The following UBA5 variants were observed in gnomAD, a reference collection of about 807,000 sequenced individuals.
The protein encoded by UBA5 is ubiquitin-like modifier-activating enzyme 5.
A neutral mutation model predicts 52.9 loss-of-function variants in UBA5; 28 were observed. The observed-to-expected ratio is 0.53, with a 90% CI of 0.39 to 0.73. The LOEUF (loss-of-function observed/expected upper bound fraction) is 0.73. Ranked by LOEUF, UBA5 falls within the 30% of genes least tolerant of loss-of-function variation. UBA5 has a pLI of 0.00. For missense variants in UBA5, 388 were observed against 492.7 expected, an observed-to-expected ratio of 0.79 and a Z score of 2.01; for synonymous variants, 135 against 162.1, an observed-to-expected ratio of 0.83 and a Z score of 1.27.
chr3:132,668,765 A>C, intron 3 of UBA5, 53 bp from the exon 4 acceptor site: 1 of 1,118,736 alleles, frequency 8.9e-7, no homozygotes, highest in Non-Finnish European at 1.3e-6. Flanking sequence ...ATTTTTTGAT[A>C]TGTTTAGTTT....
chr3:132,670,510 T>TA (rs1255168737), intron 5 of UBA5, among the ~76,000 whole-genome samples: 3 of 152,162 alleles, frequency 2.0e-5, no homozygotes, highest in Admixed American at 6.5e-5. Context: ...AAAACCCCTG[T>TA]AAGTTACAAT....
upstream of UBA5, among the ~76,000 whole-genome samples, chr3:132,656,375 G>A (rs1937801653): frequency 1.3e-5 from 2 of 152,028 alleles, no homozygotes; most frequent in African/African-American, 4.8e-5. Flanking sequence ...TAGGTCATGT[G>A]TATCTTCCCA....
At chr3:132,657,866 CTTT>C (rs56190801), upstream of UBA5, among the ~76,000 whole-genome samples, 10 of 119,146 alleles carry the variant, frequency 8.4e-5, no homozygotes, top group Admixed American at 3.6e-4. Context: ...ACACATATTC[CTTT>C]TTTTTTTTTT....
At position 132,674,125 on chromosome 3, in the gene UBA5, C is replaced by G. The variant is rs553980661; in HGVS notation, c.813-1123C>G. 2.0e-5 allele frequency among the ~76,000 whole-genome samples: 3 copies of G among 152,236 alleles called. No homozygotes were observed. The East Asian group carries it at 5.8e-4, about 29-fold the overall frequency. On this transcript the variant is annotated intron_variant, in intron 8 of 11. Transcript: ENST00000356232. ...TCATCAAACTCTGTAATCTGTCATT[C>G]TGGTGGGTAAAAAACAGGCATTTAA...
rs775461439 is a variant in UBA5 at position 132,675,295 on chromosome 3, C to G, written c.860C>G (p.Ala287Gly). ...GTTAGTTTTTACCTTGGATACAATG[C>G]AATGCAGGATTTTTTTCCTACTATG... ...GTVSFYLGYNAMQDFFPTMSM... is the reference protein window; with the variant it reads ...GTVSFYLGYNGMQDFFPTMSM... Residue 287 changes from alanine (A) to glycine (G), a missense_variant, in exon 9 of 12, where the codon GCA becomes GGA. Ala to Gly is a moderately conservative substitution (Grantham distance 60). This residue lies in a region of UBA5 where 277 missense variants were observed against 326.4 expected (regional missense o/e 0.85). Transcript: ENST00000356232. The G allele has an allele frequency of 1.2e-6, 2 of 1,612,964 alleles. No individual in the cohort carries two copies. Among genetic ancestry groups the G allele is most frequent in the Non-Finnish European group, 1.7e-6 (2 of 1,179,206 alleles).
At chr3:132,658,813 GC>G (rs1013174579), upstream of UBA5, among the ~76,000 whole-genome samples, 2 of 151,984 alleles carry the variant, frequency 1.3e-5, no homozygotes, top group Non-Finnish European at 2.9e-5. Flanking sequence ...CAATTTTTAC[GC>G]CCTTTCACCT....
At chr3:132,667,889 C>T (rs374137858) in intron 3 of UBA5, 1 of 152,114 alleles carries the variant, frequency 6.6e-6, no homozygotes, top group African/African-American at 2.4e-5. Context: ...CTTAAAGAAA[C>T]TATGTTTTGG....
At chr3:132,671,547 T>G (rs1188211565) in intron 6 of UBA5, among the ~76,000 whole-genome samples, 1 of 152,172 alleles carries the variant, frequency 6.6e-6, no homozygotes, top group Non-Finnish European at 1.5e-5. Flanking sequence ...TCCAATAAAC[T>G]TTGATTCAAT....
At chr3:132,666,116 C>A (rs1938367734) in intron 3 of UBA5, 43 bp downstream of exon 3, 2 of 1,534,148 alleles carry the variant, frequency 1.3e-6, no homozygotes, top group Non-Finnish European at 1.8e-6. Flanking sequence ...GAACTACTCA[C>A]TCCTGGAGTA....
chr3:132,678,752 C>T lies in UBA5; in HGVS notation c.*2226C>T, dbSNP rs1042179372. On this transcript the variant is annotated 3_prime_UTR_variant, in exon 12 of 12. Transcript: ENST00000356232. ...ACATCCTCCGCCTCCCAGGTTCAAG[C>T]GATTCTCCTGCCTCAGCCTCCCAAG... Among the ~76,000 whole-genome samples, 8 of 152,014 alleles carry T rather than the reference C, an allele frequency of 5.3e-5. 1 individual carries two copies. In the Middle Eastern group the frequency reaches 0.017, roughly 325 times the overall value.
chr3:132,658,054 G>A (rs1054966731), upstream of UBA5, among the ~76,000 whole-genome samples: 4 of 151,714 alleles, frequency 2.6e-5, no homozygotes, highest in Admixed American at 2.0e-4. Context: ...TAGAGATGGG[G>A]GTTTCACCAT....
chr3:132,661,733 C>T (rs1938176966), intron 1 of UBA5, among the ~76,000 whole-genome samples: 1 of 152,090 alleles, frequency 6.6e-6, no homozygotes. Context: ...ACAATTAAGT[C>T]GTGTAGCTAA....
chr3:132,672,584 CTTGAT>C (rs1407420491), intron 8 of UBA5, among the ~76,000 whole-genome samples: 3 of 152,080 alleles, frequency 2.0e-5, no homozygotes, highest in Non-Finnish European at 2.9e-5. Flanking sequence ...TTTCTACTAT[CTTGAT>C]TTAAGTCTTA....
intron 4 of UBA5, among the ~76,000 whole-genome samples, chr3:132,669,705 A>G (rs1173975346): frequency 1.3e-5 from 2 of 152,204 alleles, no homozygotes; most frequent in Non-Finnish European, 2.9e-5. Context: ...CAGTTCACCA[A>G]TCCCTGCTTT....
intron 1 of UBA5, among the ~76,000 whole-genome samples, chr3:132,661,856 G>A (rs191846639): frequency 2.6e-5 from 4 of 152,290 alleles, no homozygotes; most frequent in Admixed American, 6.5e-5. Flanking sequence ...ATATAAAGCC[G>A]CAGTAGAAGT....
Position 132,675,323 on chromosome 3 carries a change from C to T in UBA5, c.888C>T (p.Ser296=). ...NAMQDFFPTM[S]MKPNPQCDDR... is the part of the protein sequence containing the mutation. ...TGCAGGATTTTTTTCCTACTATGTC[C>T]ATGAAGCCAAATCCTCAGTGTGATG... is the stretch of plus-strand genomic sequence containing the variant. The change falls in exon 9 of 12, where the codon TCC becomes TCT. Residue 296 remains serine, a synonymous_variant. Transcript: ENST00000356232. 6.2e-7 allele frequency: 1 copy of T among 1,613,416 alleles called. No individual in the cohort carries two copies. The highest frequency in any genetic ancestry group is 8.5e-7 in the Non-Finnish European group (1 of 1,179,692).
rs1224894419 is a variant in UBA5, at chr3:132,676,781, A to G, written c.*255A>G. On this transcript the variant is annotated 3_prime_UTR_variant, in exon 12 of 12. Transcript: ENST00000356232. The surrounding 1 kb of genome is among the most constrained non-coding windows in gnomAD (Gnocchi z 4.1). Reference sequence around the variant, plus strand: ...TAGGATATAAATCTTACTTGAAAACATAGCTGTTGAAATGTTTTGGCCTTT... The same window carrying G: ...TAGGATATAAATCTTACTTGAAAACGTAGCTGTTGAAATGTTTTGGCCTTT... The G allele has an allele frequency of 7.6e-6, 4 of 527,422 alleles. No homozygotes were observed. Among genetic ancestry groups the G allele is most frequent in the Non-Finnish European group, 1.5e-5 (4 of 273,746 alleles). 32.7% of individuals were successfully genotyped at this position (527,422 alleles called of 1,614,324 possible).
At chr3:132,658,596 A>G (rs1168304542), upstream of UBA5, among the ~76,000 whole-genome samples, 1 of 152,242 alleles carries the variant, frequency 6.6e-6, no homozygotes, top group African/African-American at 2.4e-5. Context: ...TTACAACACA[A>G]GGCTTCTAGC....
In UBA5 at chr3:132,670,810, GAT is replaced by G. The variant is rs1352866879; in HGVS notation, c.495-148_495-147del. ...TATATTCATAAGTTACTCAATACTT[GAT>G]ATATATGATATCTTTAATATTACAT... On this transcript the variant is annotated intron_variant, in intron 5 of 11. Transcript: ENST00000356232. The G allele has an allele frequency of 3.7e-5, 17 of 461,836 alleles. 1 individual carries two copies. The highest frequency in any genetic ancestry group is 6.9e-5 in the South Asian group (2 of 28,810). 28.6% of individuals were successfully genotyped at this position (461,836 alleles called of 1,614,324 possible). A position where few individuals can be genotyped will look rare whatever the true frequency, so the allele number is the denominator to read the frequency against.
Sources: allele counts gnomAD v4.1 joint callset (sites outside exome capture counted in the v4.1 genomes callset), GRCh38; gene constraint gnomAD v4.1.1; regional missense constraint gnomAD v4.1.1; non-coding constraint Gnocchi (gnomAD v3.1); transcripts MANE v1.5; gene names NCBI Gene and HGNC (gene_info 2026-07-23, HGNC 2026-07-21).